Variants in ST3GAL3 observed in about 807,000 individuals in gnomAD.
The protein encoded by ST3GAL3 is ST3 beta-galactoside alpha-2,3-sialyltransferase 3.
A neutral mutation model predicts 50.1 loss-of-function variants in ST3GAL3; 21 were observed. That is an observed-to-expected ratio of 0.42 (90% CI 0.30 to 0.60). The LOEUF (loss-of-function observed/expected upper bound fraction) is 0.60, where lower values mean the gene tolerates loss of function less well. Ranked by LOEUF, ST3GAL3 falls within the 20% of genes least tolerant of loss-of-function variation. ST3GAL3 has a pLI of 0.19. For missense variants in ST3GAL3, 353 were observed against 489.4 expected, an observed-to-expected ratio of 0.72 and a Z score of 2.63; for synonymous variants, 183 against 190.0, an observed-to-expected ratio of 0.96 and a Z score of 0.30.
intron 4 of ST3GAL3, among the ~76,000 whole-genome samples, chr1:43,817,265 G>A (rs2061348507): frequency 6.6e-6 from 1 of 152,160 alleles, no homozygotes. Flanking sequence ...GAATAAATAT[G>A]CCAATGTAAG....
rs145596137 is a variant in ST3GAL3 at position 43,790,573 on chromosome 1, T to C, written c.119-1529T>C. ...TGTTGTAGGAAACAGCCATACAAGA[T>C]TTACAGCTGCTTAGTATAGAAATGT... On this transcript the variant is annotated intron_variant, in intron 2 of 11. Coordinates refer to ENST00000347631, the MANE Select transcript of ST3GAL3 (RefSeq NM_006279.5). Among the ~76,000 whole-genome samples, 4 of 152,244 alleles carry C rather than the reference T, an allele frequency of 2.6e-5. No homozygotes were observed. In the East Asian group the frequency reaches 7.7e-4, roughly 29 times the overall value.
At chr1:43,862,745 CAAA>C (rs749080973) in intron 5 of ST3GAL3, among the ~76,000 whole-genome samples, 23 of 104,386 alleles carry the variant, frequency 2.2e-4, no homozygotes, top group African/African-American at 4.3e-4. Context: ...CTGTCTCTAC[CAAA>C]AAAAAAAAAA....
At chr1:43,731,198 G>A (rs1179843242) in intron 1 of ST3GAL3, among the ~76,000 whole-genome samples, 1 of 151,736 alleles carries the variant, frequency 6.6e-6, no homozygotes, top group Non-Finnish European at 1.5e-5. Flanking sequence ...ATACCACCAT[G>A]CCTGAATAAT....
Position 43,823,446 on chromosome 1 carries a change from C to G in ST3GAL3, c.209+8513C>G, listed in dbSNP as rs554129892. On this transcript the variant is annotated intron_variant, in intron 4 of 11. Transcript: ENST00000347631. ...TGCTCATTCCCTTGTCTGGAACACT[C>G]TTCCCCAGATACCTGAAGAGATTGC... is the stretch of plus-strand genomic sequence containing the variant. Among the ~76,000 whole-genome samples the G allele has an allele frequency of 4.6e-5, 7 of 152,350 alleles. No individual in the cohort carries two copies. In the East Asian group the frequency reaches 1.3e-3, roughly 29 times the overall value.
At chr1:43,880,434 C>T (rs897452909) in intron 5 of ST3GAL3, among the ~76,000 whole-genome samples, 9 of 152,108 alleles carry the variant, frequency 5.9e-5, no homozygotes, top group Admixed American at 1.3e-4. Context: ...AAAAGATATC[C>T]TGTCTTCTGT....
Position 43,822,534 on chromosome 1 carries a change from A to C in ST3GAL3, c.209+7601A>C, listed in dbSNP as rs112526728. Among the ~76,000 whole-genome samples, 62 of 152,320 alleles carry C rather than the reference A, an allele frequency of 4.1e-4. 4 individuals are homozygous for C. Among genetic ancestry groups the C allele is most frequent in the African/African-American group, 1.3e-3 (54 of 41,572 alleles). ...AACTCTTAACCCCCAGAGCCTTGTG[A>C]AAAACCAGGTCATTTGTAATAGTGT... On this transcript the variant is annotated intron_variant, in intron 4 of 11. Coordinates refer to ENST00000347631, the MANE Select transcript of ST3GAL3 (RefSeq NM_006279.5).
chr1:43,779,154 C>T (rs1698506314), intron 2 of ST3GAL3, among the ~76,000 whole-genome samples: 1 of 149,586 alleles, frequency 6.7e-6, no homozygotes, highest in Non-Finnish European at 1.5e-5. Context: ...GTTTGCCAGG[C>T]TAGTCTCAAA....
chr1:43,809,687 A>C (rs1245536812), intron 3 of ST3GAL3, among the ~76,000 whole-genome samples: 2 of 144,876 alleles, frequency 1.4e-5, no homozygotes, highest in South Asian at 4.6e-4. Context: ...ATGGGTTGAG[A>C]CCCTGTCTCT....
intron 2 of ST3GAL3, among the ~76,000 whole-genome samples, chr1:43,771,732 G>T (rs113827119): frequency 4.8e-4 from 11 of 22,716 alleles, no homozygotes; most frequent in African/African-American, 6.4e-4. Flanking sequence ...TAATAAAGTT[G>T]TGTGTGTGTG....
chr1:43,729,625 C>G (rs1482778568), intron 1 of ST3GAL3, among the ~76,000 whole-genome samples: 2 of 152,168 alleles, frequency 1.3e-5, no homozygotes, highest in Non-Finnish European at 2.9e-5. Context: ...GTGACTCTCC[C>G]TAAAGCCTAC....
intron 2 of ST3GAL3, among the ~76,000 whole-genome samples, chr1:43,765,791 G>GTC (rs1692555090): frequency 2.0e-5 from 3 of 147,366 alleles, no homozygotes; most frequent in African/African-American, 5.4e-5. Flanking sequence ...GTGTGCGCGC[G>GTC]CGCGCGCGCG....
At chr1:43,791,984 C>G in intron 2 of ST3GAL3, 118 bp from the exon 3 acceptor site, 1 of 1,233,844 alleles carries the variant, frequency 8.1e-7, no homozygotes, top group Non-Finnish European at 1.2e-6. Flanking sequence ...CTGGGCTGTT[C>G]GACTGAGTTC....
chr1:43,725,334 G>A (rs1249403902), intron 1 of ST3GAL3, among the ~76,000 whole-genome samples: 2 of 152,114 alleles, frequency 1.3e-5, no homozygotes, highest in Non-Finnish European at 2.9e-5. Context: ...CTCCCAAGTA[G>A]CTGGGATTAT....
At position 43,736,276 on chromosome 1, in the gene ST3GAL3, T is replaced by G. The variant is rs1309046301; in HGVS notation, c.14T>G (p.Val5Gly). ...AATCATGTGAAGATGGGACTCTTGG[T>G]ATTTGTGCGCAATCTGCTGCTAGCC... MGLL[V>G]FVRNLLLALC... The change falls in exon 2 of 12, where the codon GTA becomes GGA. Residue 5 changes from valine to glycine, a missense_variant. By Grantham distance (109) the Val-to-Gly change is moderately radical. Coordinates refer to ENST00000347631, the MANE Select transcript of ST3GAL3 (RefSeq NM_006279.5). 6.2e-7 allele frequency: 1 copy of G among 1,614,076 alleles called. No individual in the cohort carries two copies. Among genetic ancestry groups the G allele is most frequent in the Non-Finnish European group, 8.5e-7 (1 of 1,180,042 alleles).
chr1:43,876,361 A>C (rs2074119678), intron 5 of ST3GAL3, among the ~76,000 whole-genome samples: 1 of 152,178 alleles, frequency 6.6e-6, no homozygotes, highest in South Asian at 2.1e-4. Flanking sequence ...CACAGGGATC[A>C]TAAATGATTT....
intron 3 of ST3GAL3, among the ~76,000 whole-genome samples, chr1:43,804,113 C>T (rs897437292): frequency 6.0e-4 from 92 of 152,192 alleles, no homozygotes; most frequent in Admixed American, 2.0e-3. Flanking sequence ...GATCATTGGG[C>T]TGCTGGTGAG....
chr1:43,794,400 C>A (rs2058454427), intron 3 of ST3GAL3, among the ~76,000 whole-genome samples: 1 of 151,976 alleles, frequency 6.6e-6, no homozygotes. Context: ...ACTTGAAAAG[C>A]TTGACAATTC....
intron 9 of ST3GAL3, among the ~76,000 whole-genome samples, chr1:43,917,504 T>TAATATATATAA (rs1362361134): frequency 1.6e-4 from 9 of 55,864 alleles, no homozygotes; most frequent in Admixed American, 7.5e-4. Context: ...ATATAATATA[T>TAATATATATAA]TATATAATAT....
At chr1:43,908,351 A>G (rs1449526047) in intron 9 of ST3GAL3, among the ~76,000 whole-genome samples, 4 of 152,028 alleles carry the variant, frequency 2.6e-5, no homozygotes, top group Non-Finnish European at 5.9e-5. Flanking sequence ...TTGGATCCCC[A>G]TTTCCTAGAT....
Sources: gnomAD v4.1 joint callset for allele counts (sites outside exome capture counted in the v4.1 genomes callset) on GRCh38, gnomAD v4.1.1 for gene constraint, MANE v1.5 for transcripts, NCBI Gene and HGNC (gene_info 2026-07-23, HGNC 2026-07-21) for gene names.